Variants in GRIK2 observed in about 807,000 individuals in gnomAD.
The protein encoded by GRIK2 is glutamate receptor ionotropic, kainate 2.
Under a neutral mutation model 100.3 loss-of-function variants are expected in GRIK2, and 32 were observed. The observed-to-expected ratio is 0.32, with a 90% CI of 0.24 to 0.43. The LOEUF (loss-of-function observed/expected upper bound fraction) is 0.43. Ranked by LOEUF, GRIK2 falls within the 20% of genes least tolerant of loss-of-function variation. GRIK2 has a pLI of 1.00. For missense variants in GRIK2, 843 were observed against 1,114.9 expected (o/e 0.76, Z 3.47); for synonymous variants, 417 against 389.4 (o/e 1.07, Z -0.83).
chr6:101,630,175 T>C (rs762619293), intron 4 of GRIK2, among the ~76,000 whole-genome samples: 8 of 152,270 alleles, frequency 5.3e-5, no homozygotes, highest in South Asian at 4.1e-4. Context: ...GCAATGAACA[T>C]ATGCATGCAT....
At chr6:101,925,413 G>A (rs879924176) in intron 13 of GRIK2, among the ~76,000 whole-genome samples, 2 of 150,422 alleles carry the variant, frequency 1.3e-5, no homozygotes, top group Non-Finnish European at 3.0e-5. Flanking sequence ...TACTATTTTA[G>A]TCTCAGTTTT....
intron 12 of GRIK2, among the ~76,000 whole-genome samples, chr6:101,923,366 A>T (rs77863165): frequency 0.03 from 4,541 of 152,264 alleles, 141 homozygotes; most frequent in African/African-American, 0.064. Context: ...AGCATATTTA[A>T]TTGTGGGTGT....
intron 2 of GRIK2, among the ~76,000 whole-genome samples, chr6:101,537,642 A>G (rs1020549991): frequency 4.0e-5 from 6 of 151,782 alleles, no homozygotes; most frequent in African/African-American, 1.4e-4. Context: ...AGGATTTCAA[A>G]TTGTCCTATG....
At chr6:101,481,392 C>T (rs1772521607) in intron 2 of GRIK2, among the ~76,000 whole-genome samples, 1 of 152,076 alleles carries the variant, frequency 6.6e-6, no homozygotes, top group South Asian at 2.1e-4. Context: ...TCCCACTCTA[C>T]ATGTGGAAGT....
At chr6:101,613,687 A>G (rs1007758937) in intron 2 of GRIK2, among the ~76,000 whole-genome samples, 1 of 150,368 alleles carries the variant, frequency 6.7e-6, no homozygotes, top group African/African-American at 2.4e-5. Context: ...GGAGCTGGCC[A>G]CTCTCTCATA....
At chr6:101,437,184 C>T (rs182737775) in intron 2 of GRIK2, among the ~76,000 whole-genome samples, 34 of 152,120 alleles carry the variant, frequency 2.2e-4, no homozygotes, top group African/African-American at 7.7e-4. Flanking sequence ...AACAATAGAC[C>T]ACATGGCTGA....
chr6:101,738,324 T>A (rs1324879774), intron 7 of GRIK2, among the ~76,000 whole-genome samples: 2 of 152,096 alleles, frequency 1.3e-5, no homozygotes, highest in East Asian at 3.9e-4. Context: ...TATATATGTA[T>A]ATATACTCCT....
chr6:101,718,268 T>C lies in GRIK2; in HGVS notation c.951+31915T>C, dbSNP rs188808382. On this transcript the variant is annotated intron_variant, in intron 7 of 16. Coordinates refer to ENST00000369134, the MANE Select transcript of GRIK2 (RefSeq NM_021956.5). ...TGTTTTCCAGGAGATTATAACACATTGGAGAAGGGAGAATCTTTGTAGCAA... is the reference window on the plus strand; with the variant it reads ...TGTTTTCCAGGAGATTATAACACATCGGAGAAGGGAGAATCTTTGTAGCAA... Among the ~76,000 whole-genome samples, 47 of 151,878 alleles carry C rather than the reference T, an allele frequency of 3.1e-4. 1 individual carries two copies. The highest frequency in any genetic ancestry group is 1.0e-3 in the African/African-American group (43 of 41,514).
At chr6:101,774,921 A>G (rs955750088) in intron 7 of GRIK2, among the ~76,000 whole-genome samples, 2 of 152,122 alleles carry the variant, frequency 1.3e-5, no homozygotes, top group Non-Finnish European at 2.9e-5. Context: ...ATTCTTGGGA[A>G]AAAGGCAAAG....
At chr6:101,416,308 A>G (rs1776138223) in intron 2 of GRIK2, among the ~76,000 whole-genome samples, 1 of 152,170 alleles carries the variant, frequency 6.6e-6, no homozygotes, top group South Asian at 2.1e-4. Flanking sequence ...TCCGTGTTAG[A>G]GGGGAGAAGA....
chr6:101,854,315 A>G (rs1397052904), intron 10 of GRIK2, among the ~76,000 whole-genome samples: 3 of 152,166 alleles, frequency 2.0e-5, no homozygotes, highest in African/African-American at 7.2e-5. Context: ...GCTGGAGTGC[A>G]ATGGCACAAT....
chr6:101,482,845 T>C (rs1772606071), intron 2 of GRIK2, among the ~76,000 whole-genome samples: 1 of 152,052 alleles, frequency 6.6e-6, no homozygotes, highest in African/African-American at 2.4e-5. Context: ...GGTATAACCT[T>C]CTCTGGGAAA....
At chr6:101,500,999 C>A (rs932325005) in intron 2 of GRIK2, among the ~76,000 whole-genome samples, 1 of 151,962 alleles carries the variant, frequency 6.6e-6, no homozygotes, top group Non-Finnish European at 1.5e-5. Context: ...TCAAATTGTT[C>A]TTTTCTCAAA....
At chr6:102,042,340 G>T (rs1164064081) in intron 15 of GRIK2, among the ~76,000 whole-genome samples, 1 of 151,414 alleles carries the variant, frequency 6.6e-6, no homozygotes, top group Non-Finnish European at 1.5e-5. Context: ...GCTTAGCTCT[G>T]TAAAATAATG....
chr6:101,579,875 CA>C (rs1217310873), intron 2 of GRIK2, among the ~76,000 whole-genome samples: 3 of 150,034 alleles, frequency 2.0e-5, no homozygotes, highest in Non-Finnish European at 4.5e-5. Context: ...AAAAGAAATG[CA>C]TTTGATACCC....
intron 2 of GRIK2, among the ~76,000 whole-genome samples, chr6:101,599,978 G>A (rs1168628501): frequency 6.6e-6 from 1 of 151,592 alleles, no homozygotes; most frequent in Non-Finnish European, 1.5e-5. Context: ...TCTTTCTCAA[G>A]GCCAGTGTCC....
chr6:101,551,423 T>A (rs1776503016), intron 2 of GRIK2, among the ~76,000 whole-genome samples: 1 of 152,050 alleles, frequency 6.6e-6, no homozygotes, highest in Admixed American at 6.6e-5. Context: ...TCCACAGACA[T>A]GGGAGAACTA....
At chr6:101,613,621 T>G (rs1177872002) in intron 2 of GRIK2, among the ~76,000 whole-genome samples, 2 of 151,598 alleles carry the variant, frequency 1.3e-5, no homozygotes, top group African/African-American at 2.4e-5. Flanking sequence ...GAATGAGCAG[T>G]GTGATACTGT....
intron 2 of GRIK2, among the ~76,000 whole-genome samples, chr6:101,598,537 C>T (rs1056161436): frequency 6.9e-6 from 1 of 143,886 alleles, no homozygotes; most frequent in African/African-American, 2.6e-5. Context: ...TGGTAGAAAG[C>T]TCTCACTAAA....
Sources: allele counts gnomAD v4.1 joint callset (sites outside exome capture counted in the v4.1 genomes callset), GRCh38; gene constraint gnomAD v4.1.1; transcripts MANE v1.5; gene names NCBI Gene and HGNC (gene_info 2026-07-23, HGNC 2026-07-21).